The following BCL2 variants were observed in gnomAD, a reference collection of about 807,000 sequenced individuals.
BCL2 encodes apoptosis regulator Bcl-2.
In BCL2, 1 loss-of-function variant was observed where a neutral mutation model predicts 14.2. The ratio of observed to expected loss-of-function variants is 0.07; its 90% CI spans 0.02 to 0.33. The LOEUF (loss-of-function observed/expected upper bound fraction) is 0.33, where lower values mean the gene tolerates loss of function less well. Ranked by LOEUF, BCL2 falls within the 10% of genes least tolerant of loss-of-function variation. The pLI, the probability that BCL2 is intolerant of heterozygous loss-of-function variation, is 0.99. For missense variants in BCL2, 247 were observed against 305.9 expected (o/e 0.81, Z 1.44); for synonymous variants, 151 against 137.2 (o/e 1.10, Z -0.70).
At chr18:63,258,588 G>C (rs1378309391) in intron 2 of BCL2, among the ~76,000 whole-genome samples, 5 of 152,208 alleles carry the variant, frequency 3.3e-5, no homozygotes, top group Non-Finnish European at 5.9e-5. Flanking sequence ...TTTCTTCATA[G>C]TGGATGACAA....
chr18:63,145,203 G>A (rs958466440), intron 2 of BCL2, among the ~76,000 whole-genome samples: 2 of 152,226 alleles, frequency 1.3e-5, no homozygotes, highest in African/African-American at 2.4e-5. Flanking sequence ...AGCTTCCACA[G>A]TGGCAACTGG....
rs541496026 is a variant in BCL2, at chr18:63,268,751, A to G, written c.585+49331T>C. On this transcript the variant is annotated intron_variant, in intron 2 of 2. Coordinates refer to ENST00000333681, the MANE Select transcript of BCL2 (RefSeq NM_000633.3). ...CACAAACTTTGTGGCAATGACAAATATATTTATCCCAAAGGTAAATCTCTA... is the reference window on the plus strand; with the variant it reads ...CACAAACTTTGTGGCAATGACAAATGTATTTATCCCAAAGGTAAATCTCTA... Among the ~76,000 whole-genome samples the G allele has an allele frequency of 2.0e-5, 3 of 152,318 alleles. No homozygotes were observed. The South Asian group carries it at 6.2e-4, about 32-fold the overall frequency.
intron 2 of BCL2, among the ~76,000 whole-genome samples, chr18:63,137,135 CA>C (rs1914227671): frequency 1.3e-5 from 2 of 152,214 alleles, no homozygotes; most frequent in Admixed American, 6.5e-5. Context: ...CTAAGGTTCC[CA>C]ATGCTCTGGC....
chr18:63,174,354 G>A (rs533521761), intron 2 of BCL2, among the ~76,000 whole-genome samples: 1 of 152,202 alleles, frequency 6.6e-6, no homozygotes. Context: ...GTGGATGAAT[G>A]GATGTCTCAG....
intron 2 of BCL2, among the ~76,000 whole-genome samples, chr18:63,254,555 A>T (rs969778489): frequency 1.7e-4 from 24 of 143,330 alleles, no homozygotes; most frequent in Admixed American, 1.0e-3. Flanking sequence ...ACCCTGCCTT[A>T]AAAAAAAAAA....
Position 63,126,931 on chromosome 18 carries a change from A to C in BCL2, c.*1694T>G, listed in dbSNP as rs1372338401. On this transcript the variant is annotated 3_prime_UTR_variant, in exon 3 of 3. Transcript: ENST00000333681. ...AATAATGCCACAGAGTTATTCCATC[A>C]ATGTTTCAAGGCTGATTCTAAACTG... The C allele has an allele frequency of 1.8e-5, 4 of 227,192 alleles. No homozygotes were observed. The highest frequency in any genetic ancestry group is 2.6e-5 in the Non-Finnish European group (3 of 114,074). 14.1% of individuals were successfully genotyped at this position (227,192 alleles called of 1,614,324 possible).
intron 2 of BCL2, among the ~76,000 whole-genome samples, chr18:63,249,237 A>C (rs563363528): frequency 3.6e-4 from 55 of 152,320 alleles, no homozygotes; most frequent in African/African-American, 1.3e-3. Context: ...ATTCATGTCT[A>C]ATCACATTTA....
chr18:63,256,070 A>C (rs931433207), intron 2 of BCL2, among the ~76,000 whole-genome samples: 10 of 152,210 alleles, frequency 6.6e-5, no homozygotes, highest in Admixed American at 2.0e-4. Flanking sequence ...GATGGGATAC[A>C]TTTAGTCAAT....
At chr18:63,198,515 CACAT>C (rs1357326114) in intron 2 of BCL2, among the ~76,000 whole-genome samples, 2 of 136,494 alleles carry the variant, frequency 1.5e-5, no homozygotes, top group East Asian at 2.3e-4. Flanking sequence ...CACACAGACA[CACAT>C]AGACACAGAC....
intron 2 of BCL2, among the ~76,000 whole-genome samples, chr18:63,158,620 A>T (rs1914843157): frequency 6.6e-6 from 1 of 152,240 alleles, no homozygotes; most frequent in Non-Finnish European, 1.5e-5. Flanking sequence ...GGTCTAAGTC[A>T]TCTTCAATAA....
At chr18:63,260,732 C>T (rs1911633856) in intron 2 of BCL2, among the ~76,000 whole-genome samples, 1 of 150,302 alleles carries the variant, frequency 6.7e-6, no homozygotes, top group Non-Finnish European at 1.5e-5. Context: ...CATGTCTTCT[C>T]CTATTCTCCT....
At chr18:63,264,052 G>C (rs1283479541) in intron 2 of BCL2, among the ~76,000 whole-genome samples, 1 of 152,208 alleles carries the variant, frequency 6.6e-6, no homozygotes, top group African/African-American at 2.4e-5. Flanking sequence ...TTACAGGCGT[G>C]AGCCACCACG....
intron 2 of BCL2, among the ~76,000 whole-genome samples, chr18:63,276,818 A>AT (rs1259452987): frequency 1.3e-5 from 2 of 152,222 alleles, no homozygotes; most frequent in Non-Finnish European, 2.9e-5. Flanking sequence ...TAGTCATGAA[A>AT]TACTTCTTAG....
chr18:63,303,228 GT>G (rs1039343616), intron 2 of BCL2, among the ~76,000 whole-genome samples: 14 of 152,318 alleles, frequency 9.2e-5, no homozygotes, highest in African/African-American at 1.2e-4. Context: ...CTGTGGGTTT[GT>G]TTTTCCAACG....
intron 2 of BCL2, among the ~76,000 whole-genome samples, chr18:63,258,680 G>C (rs113205830): frequency 6.6e-6 from 1 of 152,214 alleles, no homozygotes; most frequent in Admixed American, 6.5e-5. Flanking sequence ...CACGGTCTCC[G>C]GCTTCAGGGG....
At chr18:63,207,162 G>C (rs1909859665) in intron 2 of BCL2, among the ~76,000 whole-genome samples, 1 of 152,208 alleles carries the variant, frequency 6.6e-6, no homozygotes, top group Non-Finnish European at 1.5e-5. Context: ...GAGAGAACTG[G>C]AGAAGAGGCA....
chr18:63,226,656 CA>C (rs1910556788), intron 2 of BCL2, among the ~76,000 whole-genome samples: 1 of 151,678 alleles, frequency 6.6e-6, no homozygotes, highest in Non-Finnish European at 1.5e-5. Flanking sequence ...TTGCAAACAA[CA>C]GTAACAAAAC....
chr18:63,232,566 A>G (rs148706618), intron 2 of BCL2, among the ~76,000 whole-genome samples: 1 of 152,388 alleles, frequency 6.6e-6, no homozygotes, highest in East Asian at 1.9e-4. Flanking sequence ...ATAAGTAATC[A>G]GAGAAATACA....
At chr18:63,204,132 A>C (rs933789317) in intron 2 of BCL2, among the ~76,000 whole-genome samples, 5 of 152,232 alleles carry the variant, frequency 3.3e-5, no homozygotes, top group African/African-American at 1.2e-4. Context: ...CCCTGCTCAC[A>C]TATGAACTGA....
Sources: gnomAD v4.1 joint callset for allele counts (sites outside exome capture counted in the v4.1 genomes callset) on GRCh38, gnomAD v4.1.1 for gene constraint, MANE v1.5 for transcripts, NCBI Gene and HGNC (gene_info 2026-07-23, HGNC 2026-07-21) for gene names.